The following MAD1L1 variants were observed in gnomAD, a reference collection of about 807,000 sequenced individuals.
The protein encoded by MAD1L1 is mitotic spindle assembly checkpoint protein MAD1.
MAD1L1 carries 95 observed loss-of-function variants against 96.9 expected under a neutral mutation model. The ratio of observed to expected loss-of-function variants is 0.98; its 90% confidence interval spans 0.83 to 1.16. The LOEUF (loss-of-function observed/expected upper bound fraction) is 1.16. Among genes scored for constraint, MAD1L1 ranks in the 50% most tolerant of loss-of-function variants. MAD1L1 has a pLI of 0.00. For missense variants in MAD1L1, 1,007 were observed against 954.4 expected (o/e 1.06, Z -0.73); for synonymous variants, 473 against 396.6 (o/e 1.19, Z -2.29).
Position 1,898,358 on chromosome 7 carries a change from T to C in MAD1L1, c.1840A>G (p.Lys614Glu). The C allele has an allele frequency of 6.2e-7, 1 of 1,613,966 alleles. No homozygotes were observed. The highest frequency in any genetic ancestry group is 8.5e-7 in the Non-Finnish European group (1 of 1,179,982). The change falls in exon 18 of 19, where the codon AAG becomes GAG. Residue 614 changes from lysine to glutamate, a missense_variant. Physicochemically the swap from Lys to Glu is moderately conservative, Grantham distance 56. Transcript: ENST00000265854. ...AAAACCTCCTTGAGCCGCTGGTTCT[T>C]CAGCTCGGCACTCTCCACCTGCTTC... is the stretch of plus-strand genomic sequence containing the variant. ...LKKQVESAEL[K>E]NQRLKEVFQT...
chr7:1,986,360 TCCAGCTTG>T (rs1781141454), intron 14 of MAD1L1, among the ~76,000 whole-genome samples: 1 of 151,636 alleles, frequency 6.6e-6, no homozygotes, highest in African/African-American at 2.4e-5. Context: ...CACACGCCAG[TCCAGCTTG>T]GAACCACACG....
chr7:2,135,047 C>A (rs1788686356), intron 11 of MAD1L1, among the ~76,000 whole-genome samples: 1 of 152,192 alleles, frequency 6.6e-6, no homozygotes, highest in African/African-American at 2.4e-5. Context: ...GTTCAACACA[C>A]AAAAAACACC....
chr7:1,972,087 G>A (rs1270475237), intron 15 of MAD1L1, among the ~76,000 whole-genome samples: 1 of 152,108 alleles, frequency 6.6e-6, no homozygotes, highest in Non-Finnish European at 1.5e-5. Flanking sequence ...CTCGCCTGCC[G>A]CCAGCTCACA....
intron 5 of MAD1L1, among the ~76,000 whole-genome samples, chr7:2,220,553 G>C (rs1199987925): frequency 1.3e-5 from 2 of 152,212 alleles, no homozygotes; most frequent in East Asian, 3.9e-4. Flanking sequence ...CCCAGGACAG[G>C]ACAATGGCAA....
chr7:1,826,560 C>T (rs1438333172), intron 18 of MAD1L1, among the ~76,000 whole-genome samples: 1 of 152,192 alleles, frequency 6.6e-6, no homozygotes, highest in Non-Finnish European at 1.5e-5. Context: ...ACCCTCAGCT[C>T]CCACCCCTCT....
intron 18 of MAD1L1, chr7:1,845,779 T>C (rs10233560): frequency 0.36 from 54,414 of 152,530 alleles, 9,846 homozygotes; most frequent in East Asian, 0.45. Context: ...GTTTAGGAGA[T>C]GGACACGCTC....
chr7:1,930,638 C>T, intron 17 of MAD1L1, among the ~76,000 whole-genome samples: 1 of 150,562 alleles, frequency 6.6e-6, no homozygotes, highest in Non-Finnish European at 1.5e-5. Flanking sequence ...GTCACATCCC[C>T]TTCACCTTGT....
At chr7:1,918,061 C>T (rs992070703) in intron 17 of MAD1L1, among the ~76,000 whole-genome samples, 5 of 152,176 alleles carry the variant, frequency 3.3e-5, no homozygotes, top group African/African-American at 1.2e-4. Context: ...CACCCCACCT[C>T]GCAGACCAGC....
intron 18 of MAD1L1, among the ~76,000 whole-genome samples, chr7:1,851,595 C>A (rs529682060): frequency 6.6e-6 from 1 of 152,256 alleles, no homozygotes; most frequent in African/African-American, 2.4e-5. Context: ...TCACCAATCA[C>A]CAACCAAAAC....
At position 1,921,019 on chromosome 7, in the gene MAD1L1, G is replaced by A. The variant is rs538234148; in HGVS notation, c.1807+15668C>T. Among the ~76,000 whole-genome samples the A allele has an allele frequency of 2.0e-5, 3 of 152,314 alleles. No individual in the cohort carries two copies. In the East Asian group the frequency reaches 5.8e-4, roughly 29 times the overall value. On this transcript the variant is annotated intron_variant, in intron 17 of 18. Coordinates refer to ENST00000265854, the MANE Select transcript of MAD1L1 (RefSeq NM_001013836.2). ...AGGCAACCCAAAGAGAGGGTGGGGA[G>A]GTGGGAAGAGGGCGGAGAGGCGGCC...
intron 10 of MAD1L1, among the ~76,000 whole-genome samples, chr7:2,180,330 C>A (rs1231860471): frequency 6.6e-6 from 1 of 152,216 alleles, no homozygotes; most frequent in African/African-American, 2.4e-5. Context: ...TGCACCGGAG[C>A]TCCTCATCAA....
At chr7:2,171,962 C>A (rs756997120) in intron 10 of MAD1L1, among the ~76,000 whole-genome samples, 8 of 152,182 alleles carry the variant, frequency 5.3e-5, no homozygotes, top group Admixed American at 1.3e-4. Context: ...CACCACGAGG[C>A]CTAAGTCTGA....
In MAD1L1 at chr7:1,937,049, G is replaced by A. The variant is rs181007528; in HGVS notation, c.1597-152C>T. The A allele has an allele frequency of 1.1e-3, 741 of 664,198 alleles. 1 individual carries two copies. In the African/African-American group the frequency reaches 0.012, roughly 11 times the overall value. 41.1% of individuals were successfully genotyped at this position (664,198 alleles called of 1,614,324 possible). ...TTCTTTTGTCTTCTTGAGCCTGCCT[G>A]GCAGCCATCTCTCCTGGAAGGAGTG... On this transcript the variant is annotated intron_variant, in intron 16 of 18. Transcript: ENST00000265854.
intron 11 of MAD1L1, among the ~76,000 whole-genome samples, chr7:2,094,011 G>A (rs373677350): frequency 4.6e-5 from 7 of 152,174 alleles, no homozygotes; most frequent in East Asian, 1.9e-4. Context: ...CAGGCCACGC[G>A]GGCGCAGACG....
At chr7:2,035,164 C>T (rs1015487138) in intron 12 of MAD1L1, among the ~76,000 whole-genome samples, 5 of 152,274 alleles carry the variant, frequency 3.3e-5, no homozygotes, top group Admixed American at 2.0e-4. Flanking sequence ...GCCACATGAC[C>T]CCACAGACAA....
At chr7:1,846,846 G>A in intron 18 of MAD1L1, 1 of 226,130 alleles carries the variant, frequency 4.4e-6, no homozygotes, top group Non-Finnish European at 8.8e-6. Flanking sequence ...CAAGATGTGT[G>A]AAGTGCCTTT....
intron 10 of MAD1L1, among the ~76,000 whole-genome samples, chr7:2,167,171 C>T (rs368339634): frequency 6.6e-4 from 101 of 152,150 alleles, no homozygotes; most frequent in Non-Finnish European, 1.1e-3. Flanking sequence ...TGCAAGTGGG[C>T]GCAGTAGCAG....
intron 18 of MAD1L1, among the ~76,000 whole-genome samples, chr7:1,834,499 A>C (rs1782851894): frequency 6.6e-6 from 1 of 152,252 alleles, no homozygotes; most frequent in South Asian, 2.1e-4. Flanking sequence ...ATTATGAACA[A>C]CTTTATGCCA....
chr7:2,025,721 G>A (rs571264246), intron 12 of MAD1L1, among the ~76,000 whole-genome samples: 6 of 152,266 alleles, frequency 3.9e-5, no homozygotes, highest in Non-Finnish European at 7.4e-5. Context: ...AATAGCCTAC[G>A]AATGGAGCAA....
Sources: gnomAD v4.1 joint callset for allele counts (sites outside exome capture counted in the v4.1 genomes callset) on GRCh38, gnomAD v4.1.1 for gene constraint, MANE v1.5 for transcripts, NCBI Gene and HGNC (gene_info 2026-07-23, HGNC 2026-07-21) for gene names.